The following BRINP3 variants were observed in gnomAD, a reference collection of about 807,000 sequenced individuals.
The protein encoded by BRINP3 is BMP/retinoic acid-inducible neural-specific protein 3.
In BRINP3, 19 loss-of-function variants were observed where a neutral mutation model predicts 71.0. The observed-to-expected ratio is 0.27, with a 90% CI of 0.19 to 0.39. The LOEUF is 0.39. BRINP3 is among the 10% of genes least tolerant of loss of function. BRINP3 has a pLI of 1.00. For missense variants in BRINP3, 959 were observed against 940.8 expected, an observed-to-expected ratio of 1.02 and a Z score of -0.25; for synonymous variants, 380 against 337.7, an observed-to-expected ratio of 1.13 and a Z score of -1.37.
At chr1:190,256,377 G>A (rs1328137938) in intron 4 of BRINP3, among the ~76,000 whole-genome samples, 2 of 152,102 alleles carry the variant, frequency 1.3e-5, no homozygotes, top group African/African-American at 4.8e-5. Flanking sequence ...TTGAGCCTAT[G>A]TGTCTCTGCA....
chr1:190,167,078 T>G (rs2102483097), intron 6 of BRINP3, among the ~76,000 whole-genome samples: 1 of 152,168 alleles, frequency 6.6e-6, no homozygotes, highest in African/African-American at 2.4e-5. Flanking sequence ...GTTTCCCTAC[T>G]TTTCTTGGCG....
intron 1 of BRINP3, among the ~76,000 whole-genome samples, chr1:190,467,150 A>C (rs1380941338): frequency 1.3e-5 from 2 of 151,578 alleles, no homozygotes; most frequent in Non-Finnish European, 3.0e-5. Flanking sequence ...TCTCTCTAAG[A>C]GAGTTATATT....
At chr1:190,211,767 C>T (rs2102652091) in intron 6 of BRINP3, among the ~76,000 whole-genome samples, 1 of 152,158 alleles carries the variant, frequency 6.6e-6, no homozygotes, top group Middle Eastern at 3.4e-3. Context: ...TATAAAACAC[C>T]TGTTTGGCAC....
chr1:190,388,907 G>A (rs1671076228), intron 2 of BRINP3, among the ~76,000 whole-genome samples: 1 of 151,652 alleles, frequency 6.6e-6, no homozygotes, highest in Non-Finnish European at 1.5e-5. Flanking sequence ...TATCCAAGTA[G>A]ATAGGAAAGA....
chr1:190,379,694 T>G (rs142138511), intron 2 of BRINP3, among the ~76,000 whole-genome samples: 2 of 151,964 alleles, frequency 1.3e-5, no homozygotes, highest in East Asian at 3.9e-4. Flanking sequence ...AATAAAGAAA[T>G]CTGTAGGTTA....
chr1:190,128,923 T>C (rs1654308184), intron 7 of BRINP3, among the ~76,000 whole-genome samples: 1 of 151,766 alleles, frequency 6.6e-6, no homozygotes, highest in South Asian at 2.1e-4. Context: ...CCAATACCGG[T>C]TCTACAGTAG....
chr1:190,117,426 A>G (rs1360881952), intron 7 of BRINP3, among the ~76,000 whole-genome samples: 2 of 152,026 alleles, frequency 1.3e-5, no homozygotes, highest in South Asian at 4.1e-4. Flanking sequence ...TGAAAATTTC[A>G]AACATACACA....
intron 2 of BRINP3, among the ~76,000 whole-genome samples, chr1:190,318,065 C>T (rs1666004084): frequency 6.6e-6 from 1 of 151,952 alleles, no homozygotes; most frequent in African/African-American, 2.4e-5. Flanking sequence ...TCAGATACAC[C>T]TTTCCTCTTT....
intron 2 of BRINP3, among the ~76,000 whole-genome samples, chr1:190,317,355 C>A (rs905628267): frequency 1.6e-4 from 24 of 152,090 alleles, no homozygotes; most frequent in Admixed American, 6.6e-5. Context: ...TCACATCAAA[C>A]CTCCATGAAT....
intron 4 of BRINP3, among the ~76,000 whole-genome samples, chr1:190,258,066 G>T (rs1310432022): frequency 6.6e-6 from 1 of 152,204 alleles, no homozygotes; most frequent in Admixed American, 6.5e-5. Context: ...GCTGCCTTTT[G>T]TTCAGCTATG....
intron 6 of BRINP3, among the ~76,000 whole-genome samples, chr1:190,205,449 T>C (rs1349114743): frequency 1.3e-5 from 2 of 152,106 alleles, no homozygotes; most frequent in Admixed American, 6.6e-5. Flanking sequence ...CTTTCCATGT[T>C]TTAAAACTCA....
rs139550625 is a variant in BRINP3, at chr1:190,349,008, T to C, written c.237-67258A>G. Among the ~76,000 whole-genome samples the C allele has an allele frequency of 7.2e-5, 11 of 152,288 alleles. No individual in the cohort carries two copies. The East Asian group carries it at 1.4e-3, about 19-fold the overall frequency. ...AAAGAAATTATGAGGAACTTATACA[T>C]TGAGTTCATAAAACGTAGTAGCTGA... On this transcript the variant is annotated intron_variant, in intron 2 of 7. Coordinates refer to ENST00000367462, the MANE Select transcript of BRINP3 (RefSeq NM_199051.3).
chr1:190,285,935 C>T (rs1393602210), intron 2 of BRINP3, among the ~76,000 whole-genome samples: 2 of 152,110 alleles, frequency 1.3e-5, no homozygotes, highest in African/African-American at 4.8e-5. Flanking sequence ...ATTGTTGTAT[C>T]TAACTAAGTG....
chr1:190,245,209 A>G (rs867481190), intron 4 of BRINP3, among the ~76,000 whole-genome samples: 1 of 151,706 alleles, frequency 6.6e-6, no homozygotes, highest in African/African-American at 2.4e-5. Context: ...TCTTGTTTCA[A>G]CTGGCCATTA....
intron 7 of BRINP3, among the ~76,000 whole-genome samples, chr1:190,136,844 T>C (rs1000371664): frequency 2.0e-5 from 3 of 152,038 alleles, no homozygotes; most frequent in African/African-American, 7.2e-5. Context: ...TTGCCAATTA[T>C]TGAGCACTTA....
intron 6 of BRINP3, among the ~76,000 whole-genome samples, chr1:190,217,870 G>C (rs1358501471): frequency 6.6e-6 from 1 of 151,918 alleles, no homozygotes; most frequent in East Asian, 1.9e-4. Flanking sequence ...TGTTAGGACT[G>C]GCTTCTAATC....
intron 6 of BRINP3, among the ~76,000 whole-genome samples, chr1:190,223,810 A>G (rs1411518869): frequency 6.6e-6 from 1 of 151,918 alleles, no homozygotes; most frequent in Non-Finnish European, 1.5e-5. Context: ...TGATAAAAAC[A>G]TTCAGTAAAG....
At chr1:190,309,692 G>T (rs1665381888) in intron 2 of BRINP3, among the ~76,000 whole-genome samples, 1 of 151,610 alleles carries the variant, frequency 6.6e-6, no homozygotes, top group African/African-American at 2.4e-5. Flanking sequence ...GATTCATAAT[G>T]CCAAAGAATC....
rs183176275 is a variant in BRINP3, at chr1:190,174,086, C to T, written c.962-13196G>A. On this transcript the variant is annotated intron_variant, in intron 6 of 7. Transcript: ENST00000367462. Reference sequence around the variant, plus strand: ...TTCTCCTGATACACTTTGAGAAGTACGGCTGCAAAGAATAACAAAATAATC... The same window carrying T: ...TTCTCCTGATACACTTTGAGAAGTATGGCTGCAAAGAATAACAAAATAATC... Among the ~76,000 whole-genome samples the T allele has an allele frequency of 2.6e-3, 390 of 152,200 alleles. 1 individual carries two copies. The highest frequency in any genetic ancestry group is 4.2e-3 in the Non-Finnish European group (286 of 67,998).
Sources: gnomAD v4.1 joint callset for allele counts (sites outside exome capture counted in the v4.1 genomes callset) on GRCh38, gnomAD v4.1.1 for gene constraint, MANE v1.5 for transcripts, NCBI Gene and HGNC (gene_info 2026-07-23, HGNC 2026-07-21) for gene names.